IGLON5: variants seen among roughly 807,000 people sequenced by gnomAD.
The protein encoded by IGLON5 is Ig-like domain-containing protein ENSP00000270642.
In IGLON5, 16 loss-of-function variants were observed where a neutral mutation model predicts 38.2. That is an observed-to-expected ratio of 0.42 (90% CI 0.28 to 0.64). The LOEUF is 0.64. Among genes scored for constraint, IGLON5 ranks in the 30% least tolerant of loss-of-function variants. The pLI is 0.23. For synonymous variants in IGLON5, 207 were observed against 216.4 expected, an observed-to-expected ratio of 0.96 and a Z score of 0.38; for missense variants, 366 against 483.4, an observed-to-expected ratio of 0.76 and a Z score of 2.28.
Position 51,327,034 on chromosome 19 carries a change from G to C in IGLON5, c.647-46G>C. 6.3e-7 allele frequency: 1 copy of C among 1,598,930 alleles called. No individual in the cohort carries two copies. On this transcript the variant is annotated intron_variant, in intron 5 of 7. Coordinates refer to ENST00000270642, the MANE Select transcript of IGLON5 (RefSeq NM_001101372.3). The surrounding 1 kb of genome is among the most constrained non-coding windows in gnomAD (Gnocchi z 7.1). ...CGGGGGCTGGGGGCGGGACCCCTTC[G>C]TCCCCACGCGGCTAGGAGAATTCGC...
intron 2 of IGLON5, 85 bp downstream of exon 2, chr19:51,322,227 A>G (rs1317449111): frequency 6.4e-6 from 7 of 1,091,218 alleles, no homozygotes; most frequent in Middle Eastern, 1.9e-4. Context: ...GATCCTGGTT[A>G]CAGGAACAGC....
intron 1 of IGLON5, among the ~76,000 whole-genome samples, chr19:51,316,909 C>A (rs1984938882): frequency 6.6e-6 from 1 of 152,016 alleles, no homozygotes; most frequent in Non-Finnish European, 1.5e-5. Context: ...AGCCGCACCC[C>A]CTCCTCCCTG....
chr19:51,312,920 G>A (rs1168855518), intron 1 of IGLON5, among the ~76,000 whole-genome samples: 1 of 145,722 alleles, frequency 6.9e-6, no homozygotes, highest in African/African-American at 2.8e-5. Flanking sequence ...GGAGGCAGGA[G>A]GCTGGAGGGT....
chr19:51,313,978 TG>T (rs1984848643), intron 1 of IGLON5, among the ~76,000 whole-genome samples: 1 of 152,034 alleles, frequency 6.6e-6, no homozygotes, highest in Non-Finnish European at 1.5e-5. Flanking sequence ...TCCTCCCACC[TG>T]GGCCTCTCAA....
Position 51,329,422 on chromosome 19 carries a change from C to T in IGLON5, c.*663C>T, listed in dbSNP as rs1046041623. ...CCTTTGTGAGTAAGTGGGGGACCTCCATCTAGGCTCTGGGCTTCCCTGCTG... is the reference window on the plus strand; with the variant it reads ...CCTTTGTGAGTAAGTGGGGGACCTCTATCTAGGCTCTGGGCTTCCCTGCTG... On this transcript the variant is annotated 3_prime_UTR_variant, in exon 8 of 8. Coordinates refer to ENST00000270642, the MANE Select transcript of IGLON5 (RefSeq NM_001101372.3). This position sits in a 1 kb window ranked among gnomAD's most constrained non-coding sequence, Gnocchi z 4.3. The T allele has an allele frequency of 6.6e-6, 1 of 152,234 alleles. No homozygotes were observed. The highest frequency in any genetic ancestry group is 2.4e-5 in the African/African-American group (1 of 41,422). 9.4% of individuals were successfully genotyped at this position (152,234 alleles called of 1,614,324 possible). A position where few individuals can be genotyped will look rare whatever the true frequency, so the allele number is the denominator to read the frequency against.
chr19:51,326,094 G>T (rs1985210740), intron 4 of IGLON5, among the ~76,000 whole-genome samples: 1 of 152,000 alleles, frequency 6.6e-6, no homozygotes, highest in African/African-American at 2.4e-5. Flanking sequence ...CTTTTATGTG[G>T]ATCTCCACCA....
At chr19:51,322,392 A>AGGGACAGAGACCCAGAGAGAAG (rs1568458530) in intron 2 of IGLON5, among the ~76,000 whole-genome samples, 33 of 145,004 alleles carry the variant, frequency 2.3e-4, no homozygotes, top group South Asian at 1.7e-3. Context: ...AGAGAGAGAG[A>AGGGACAGAGACCCAGAGAGAAG]GGGACAGAGA....
chr19:51,327,928 C>G lies in IGLON5; in HGVS notation c.922+42C>G, dbSNP rs988345931. ...GGCGGGGCCGGGAAGGTGGGCGGGG[C>G]CGGGGGCGGGGCTAGGGAAGTGGAG... On this transcript the variant is annotated intron_variant, in intron 7 of 7. Transcript: ENST00000270642. The surrounding 1 kb of genome is among the most constrained non-coding windows in gnomAD (Gnocchi z 7.1). 174 of 1,441,066 alleles carry G rather than the reference C, an allele frequency of 1.2e-4. No individual in the cohort carries two copies. The highest frequency in any genetic ancestry group is 1.5e-4 in the Non-Finnish European group (169 of 1,092,186). The allele number at this position is 1,441,066 out of a possible 1,614,324, so 89.3% of individuals were successfully genotyped here.
At chr19:51,323,194 CTCTCTT>C (rs1446900154) in intron 2 of IGLON5, among the ~76,000 whole-genome samples, 3 of 148,094 alleles carry the variant, frequency 2.0e-5, no homozygotes, top group Non-Finnish European at 3.0e-5. Flanking sequence ...CTCTCTCTCT[CTCTCTT>C]TCTCTCTCCG....
In IGLON5 at chr19:51,330,778, A is replaced by G. The variant is rs1985338378; in HGVS notation, c.*2019A>G. Among the ~76,000 whole-genome samples the G allele has an allele frequency of 6.6e-6, 1 of 151,222 alleles. No homozygotes were observed. The highest frequency in any genetic ancestry group is 2.5e-5 in the African/African-American group (1 of 40,686). On this transcript the variant is annotated 3_prime_UTR_variant, in exon 8 of 8. Transcript: ENST00000270642. ...GAACACTGTGAAGGGCAGAGTGGAA[A>G]CCTTAGAGAAACTGAGTCCATGATT... is the stretch of plus-strand genomic sequence containing the variant.
At chr19:51,319,102 C>T (rs922710043) in intron 1 of IGLON5, among the ~76,000 whole-genome samples, 1 of 152,146 alleles carries the variant, frequency 6.6e-6, no homozygotes, top group African/African-American at 2.4e-5. Context: ...GTTTAGGAAC[C>T]CTGGCCCAGA....
At position 51,326,900 on chromosome 19, in the gene IGLON5, T is replaced by C; in HGVS notation, c.646+2T>C. The C allele has an allele frequency of 6.4e-7, 1 of 1,569,178 alleles. No homozygotes were observed. Among genetic ancestry groups the C allele is most frequent in the Non-Finnish European group, 8.6e-7 (1 of 1,157,250 alleles). The stretch of plus-strand genomic sequence containing the variant: ...GCCGCGTGCTGGTCACAGTCAACTG[T>C]GAGCCCCCCTGGCACTGGGCACGAA... On this transcript the variant is annotated splice_donor_variant, in intron 5 of 7. Transcript: ENST00000270642. LOFTEE classifies it high-confidence loss of function.
intron 1 of IGLON5, among the ~76,000 whole-genome samples, chr19:51,315,713 T>TTTTTTTG (rs758372004): frequency 3.1e-5 from 3 of 96,006 alleles, no homozygotes; most frequent in Non-Finnish European, 6.6e-5. Context: ...TTTTTTTTTT[T>TTTTTTTG]GAGACAGAGT....
chr19:51,319,730 T>C lies in IGLON5; in HGVS notation c.80-2334T>C, dbSNP rs142162083. Reference sequence around the variant, plus strand: ...GAGCGCTCCTGGGACAGATCCTCCTTTCCAGCTGACCTGCTGCTGGGTGCC... The same window carrying C: ...GAGCGCTCCTGGGACAGATCCTCCTCTCCAGCTGACCTGCTGCTGGGTGCC... On this transcript the variant is annotated intron_variant, in intron 1 of 7. Coordinates refer to ENST00000270642, the MANE Select transcript of IGLON5 (RefSeq NM_001101372.3). 2.1e-3 allele frequency among the ~76,000 whole-genome samples: 315 copies of C among 152,272 alleles called. 3 individuals carry two copies. The highest frequency in any genetic ancestry group is 7.2e-3 in the African/African-American group (301 of 41,538).
intron 7 of IGLON5, among the ~76,000 whole-genome samples, 164 bp from the exon 8 acceptor site, chr19:51,328,507 A>AG (rs1985270958): frequency 8.6e-6 from 1 of 116,560 alleles, no homozygotes; most frequent in African/African-American, 8.5e-5. Context: ...CAAAAAAAGA[A>AG]AAAAAAAAAA....
intron 1 of IGLON5, among the ~76,000 whole-genome samples, chr19:51,313,730 T>G (rs1277785168): frequency 2.0e-5 from 3 of 150,930 alleles, no homozygotes; most frequent in Non-Finnish European, 4.4e-5. Flanking sequence ...TTTTTCTTGT[T>G]TTTTTGAGAC....
Position 51,323,752 on chromosome 19 carries a change from G to A in IGLON5, c.249G>A (p.Pro83=), listed in dbSNP as rs761843019. ...YAGNDRWTSD[P]RVRLLINTPE... ...GCAATGACCGCTGGACCAGCGACCC[G>A]CGGGTGCGGCTGCTCATCAACACCC... The change falls in exon 3 of 8, where the codon CCG becomes CCA. Residue 83 remains proline (P), a synonymous_variant. Coordinates refer to ENST00000270642, the MANE Select transcript of IGLON5 (RefSeq NM_001101372.3). 59 of 1,613,804 alleles carry A rather than the reference G, an allele frequency of 3.7e-5. No homozygotes were observed. Among genetic ancestry groups the A allele is most frequent in the South Asian group, 1.9e-4 (17 of 91,086 alleles).
intron 1 of IGLON5, among the ~76,000 whole-genome samples, chr19:51,317,199 G>A (rs868111452): frequency 2.0e-5 from 3 of 152,146 alleles, no homozygotes; most frequent in Admixed American, 1.3e-4. Context: ...CGTCTGGACT[G>A]TAAATCCTAC....
At chr19:51,322,438 G>A (rs1432548109) in intron 2 of IGLON5, among the ~76,000 whole-genome samples, 1 of 147,670 alleles carries the variant, frequency 6.8e-6, no homozygotes, top group African/African-American at 2.7e-5. Context: ...AGAGAGAAGG[G>A]GACAGAGATC....
Sources: allele counts gnomAD v4.1 joint callset (sites outside exome capture counted in the v4.1 genomes callset), GRCh38; gene constraint gnomAD v4.1.1; non-coding constraint Gnocchi (gnomAD v3.1); transcripts MANE v1.5; gene names NCBI Gene and HGNC (gene_info 2026-07-23, HGNC 2026-07-21).